VPS29: variants seen among roughly 807,000 people sequenced by gnomAD.
VPS29 encodes the protein VPS29 retromer complex component, also known as vacuolar protein sorting-associated protein 29.
A neutral mutation model predicts 20.0 loss-of-function variants in VPS29; 2 were observed. The observed-to-expected ratio is 0.10, with a 90% CI of 0.04 to 0.31. VPS29 has a LOEUF of 0.31. Ranked by LOEUF, VPS29 falls within the 10% of genes least tolerant of loss-of-function variation. The pLI is 1.00. For synonymous variants in VPS29, 81 were observed against 79.3 expected (o/e 1.02, Z -0.12); for missense variants, 120 against 215.3 (o/e 0.56, Z 2.77).
intron 1 of VPS29, chr12:110,499,552 T>C: frequency 6.2e-7 from 1 of 1,608,290 alleles, no homozygotes; most frequent in Non-Finnish European, 8.5e-7. Context: ...CCAGCCTTAG[T>C]GGAATGAAGA....
At chr12:110,501,550 T>G in intron 1 of VPS29, 1 of 1,535,426 alleles carries the variant, frequency 6.5e-7, no homozygotes, top group Non-Finnish European at 8.7e-7. Context: ...GGGTGGTTTA[T>G]TCCCTTTCCC....
Position 110,496,182 on chromosome 12 carries a change from G to C in VPS29, c.25C>G (p.Leu9Val). 1 of 1,612,138 alleles carries C rather than the reference G, an allele frequency of 6.2e-7. No individual in the cohort carries two copies. The change falls in exon 2 of 4, where the codon CTG becomes GTG. Residue 9 changes from leucine to valine, a missense_variant. Transcript: ENST00000549578. ...CTGTTGCACCGGTGTGGGATGTGCAGATCTCCTAATACCAACACCAACTTT... is the reference window on the plus strand; with the variant it reads ...CTGTTGCACCGGTGTGGGATGTGCACATCTCCTAATACCAACACCAACTTT... MLVLVLGD[L>V]HIPHRCNSLP...
chr12:110,497,283 C>T (rs2135586598), intron 1 of VPS29, among the ~76,000 whole-genome samples: 1 of 122,424 alleles, frequency 8.2e-6, no homozygotes, highest in South Asian at 2.7e-4. Flanking sequence ...GTGGTGCGAT[C>T]TCGGCTCACT....
At chr12:110,492,388 G>A (rs1014954379) in intron 3 of VPS29, among the ~76,000 whole-genome samples, 3 of 152,032 alleles carry the variant, frequency 2.0e-5, no homozygotes, top group African/African-American at 7.2e-5. Flanking sequence ...TGGCTAACAT[G>A]GTGAAACCCC....
intron 1 of VPS29, chr12:110,501,446 A>AC: frequency 1.3e-6 from 2 of 1,535,512 alleles, no homozygotes; most frequent in Non-Finnish European, 1.7e-6. Flanking sequence ...CCGTGGAAAG[A>AC]AACAGTTCCA....
intron 2 of VPS29, among the ~76,000 whole-genome samples, chr12:110,493,646 G>A (rs2062854170): frequency 6.6e-6 from 1 of 152,134 alleles, no homozygotes; most frequent in African/African-American, 2.4e-5. Context: ...ACAGGCCTGA[G>A]CCACTGTGCC....
At chr12:110,495,195 T>C (rs2062885339) in intron 2 of VPS29, among the ~76,000 whole-genome samples, 1 of 152,178 alleles carries the variant, frequency 6.6e-6, no homozygotes, top group Non-Finnish European at 1.5e-5. Context: ...AACTCCCTCA[T>C]GCCCTATAAA....
At chr12:110,501,978 C>A (rs1273531160) in intron 1 of VPS29, 71 bp downstream of exon 1, 32 of 1,612,540 alleles carry the variant, frequency 2.0e-5, no homozygotes, top group African/African-American at 2.7e-5. Context: ...CCCTCGGCCT[C>A]CCCACGGCTC....
At chr12:110,499,646 A>C (rs1388708621) in intron 1 of VPS29, 1 of 867,804 alleles carries the variant, frequency 1.2e-6, no homozygotes, top group Non-Finnish European at 1.8e-6. Context: ...AAACCAAAAA[A>C]AAAAAAGAGA....
At chr12:110,500,382 A>T (rs529459109) in intron 1 of VPS29, among the ~76,000 whole-genome samples, 3 of 152,160 alleles carry the variant, frequency 2.0e-5, no homozygotes, top group South Asian at 2.1e-4. Context: ...TTCTCAAACA[A>T]CTTGAGAAAC....
intron 1 of VPS29, 137 bp downstream of exon 1, chr12:110,501,911 TC>T: frequency 6.4e-7 from 1 of 1,567,598 alleles, no homozygotes. Context: ...TCTGGGCCTT[TC>T]CCAGGCCAGC....
At chr12:110,501,490 G>T (rs1299655803) in intron 1 of VPS29, 1 of 1,535,348 alleles carries the variant, frequency 6.5e-7, no homozygotes, top group Non-Finnish European at 8.7e-7. Context: ...CCCTCTGAGA[G>T]CACACCTGCT....
chr12:110,501,088 G>A (rs2063022044), intron 1 of VPS29, among the ~76,000 whole-genome samples: 1 of 152,162 alleles, frequency 6.6e-6, no homozygotes, highest in Non-Finnish European at 1.5e-5. Flanking sequence ...GGCTGAGGCA[G>A]GAGCTGAGGC....
chr12:110,497,210 T>TC, intron 1 of VPS29, among the ~76,000 whole-genome samples: 1 of 97,750 alleles, frequency 1.0e-5, no homozygotes, highest in African/African-American at 5.5e-5. Context: ...TTTCTTTCTT[T>TC]TTTTTTTTTT....
intron 1 of VPS29, among the ~76,000 whole-genome samples, chr12:110,499,733 C>T (rs1273380804): frequency 6.6e-6 from 1 of 151,676 alleles, no homozygotes; most frequent in Non-Finnish European, 1.5e-5. Flanking sequence ...TAAAAATCAG[C>T]TGTGCTCAAA....
intron 2 of VPS29, among the ~76,000 whole-genome samples, chr12:110,494,309 G>A (rs1433334736): frequency 1.4e-5 from 2 of 147,562 alleles, no homozygotes; most frequent in Admixed American, 1.4e-4. Context: ...ATGGAGTGCA[G>A]TGGCGCGATC....
chr12:110,492,265 G>T (rs563083280), intron 3 of VPS29, 143 bp from the exon 4 acceptor site: 21 of 690,580 alleles, frequency 3.0e-5, no homozygotes, highest in Middle Eastern at 3.7e-4. Flanking sequence ...AAAATGGCTA[G>T]ATTTATTTAA....
intron 1 of VPS29, among the ~76,000 whole-genome samples, chr12:110,499,888 TA>T (rs1418825037): frequency 6.6e-6 from 1 of 152,242 alleles, no homozygotes; most frequent in Non-Finnish European, 1.5e-5. Context: ...TTTAGATTTT[TA>T]TAAGATTTTA....
chr12:110,499,610 CAATGTTA>C (rs1049094106), intron 1 of VPS29: 10 of 1,165,290 alleles, frequency 8.6e-6, no homozygotes, highest in African/African-American at 3.2e-5. Context: ...GAAACATGAC[CAATGTTA>C]AAAGAAAGCA....
Sources: gnomAD v4.1 joint callset for allele counts (sites outside exome capture counted in the v4.1 genomes callset) on GRCh38, gnomAD v4.1.1 for gene constraint, MANE v1.5 for transcripts, NCBI Gene and HGNC (gene_info 2026-07-23, HGNC 2026-07-21) for gene names.